Variants in PCDHGB5 observed in about 807,000 individuals in gnomAD.
PCDHGB5 encodes the protein protocadherin gamma subfamily B, 5, also known as protocadherin gamma-B5.
In PCDHGB5, 48 loss-of-function variants were observed where a neutral mutation model predicts 62.9. That is an observed-to-expected ratio of 0.76 (90% CI 0.61 to 0.97). The LOEUF is 0.97. Ranked by LOEUF, PCDHGB5 falls within the 50% of genes least tolerant of loss-of-function variation. PCDHGB5 has a pLI of 0.00. For missense variants in PCDHGB5, 1,118 were observed against 1,198.6 expected, an observed-to-expected ratio of 0.93 and a Z score of 0.99; for synonymous variants, 474 against 511.2, an observed-to-expected ratio of 0.93 and a Z score of 0.98.
chr5:141,488,158 G>A (rs534297140), intron 1 of PCDHGB5, among the ~76,000 whole-genome samples: 4 of 152,328 alleles, frequency 2.6e-5, no homozygotes, highest in South Asian at 2.1e-4. Context: ...AGAGAGGCAC[G>A]CATCAGAGTG....
chr5:141,485,949 T>C lies in PCDHGB5; in HGVS notation c.2398-8858T>C. Reference sequence around the variant, plus strand: ...GTGTTGGAGAGCGCACCAGCGGGCATGGTGCTCATCCAGCTCAATGCCTCA... The same window carrying C: ...GTGTTGGAGAGCGCACCAGCGGGCACGGTGCTCATCCAGCTCAATGCCTCA... On this transcript the variant is annotated intron_variant, in intron 1 of 3. Transcript: ENST00000617380. This position sits in a 1 kb window ranked among gnomAD's most constrained non-coding sequence, Gnocchi z 5.7. 2 of 1,614,178 alleles carry C rather than the reference T, an allele frequency of 1.2e-6. No individual in the cohort carries two copies.
At chr5:141,503,004 C>T (rs114294610) in intron 2 of PCDHGB5, among the ~76,000 whole-genome samples, 5,013 of 145,894 alleles carry the variant, frequency 0.034, 127 homozygotes, top group South Asian at 0.076. Context: ...CCACCATGCC[C>T]GGTTAATTTT....
chr5:141,486,828 G>A lies in PCDHGB5; in HGVS notation c.2398-7979G>A, dbSNP rs140257646. 77 of 1,614,218 alleles carry A rather than the reference G, an allele frequency of 4.8e-5. 1 individual carries two copies. In the East Asian group the frequency reaches 1.2e-3, roughly 26 times the overall value. On this transcript the variant is annotated intron_variant, in intron 1 of 3. Transcript: ENST00000617380. This position sits in a 1 kb window ranked among gnomAD's most constrained non-coding sequence, Gnocchi z 5.0. ...CCCCTTAGCAGCACTGTAACAGTTCGTCTATTTGTGCTGGACCTCAATGAC... is the reference window on the plus strand; with the variant it reads ...CCCCTTAGCAGCACTGTAACAGTTCATCTATTTGTGCTGGACCTCAATGAC...
At chr5:141,410,480 G>A in intron 1 of PCDHGB5, 1 of 1,613,966 alleles carries the variant, frequency 6.2e-7, no homozygotes, top group Non-Finnish European at 8.5e-7. Context: ...TGCACATACG[G>A]GTACAAAAGA....
At chr5:141,404,384 G>C in intron 1 of PCDHGB5, 9 of 1,613,904 alleles carry the variant, frequency 5.6e-6, no homozygotes, top group African/African-American at 1.3e-5. Context: ...GATTGCCTAT[G>C]ACCCTGATAG....
rs770638374 is a variant in PCDHGB5 at position 141,409,524 on chromosome 5, A to G, written c.2397+9000A>G. On this transcript the variant is annotated intron_variant, in intron 1 of 3. Coordinates refer to ENST00000617380, the MANE Select transcript of PCDHGB5 (RefSeq NM_018925.3). ...TCTTCCAGTAGAAGCATCACCTTGTATGTCGCTGACATCAACGACAACGCC... is the reference window on the plus strand; with the variant it reads ...TCTTCCAGTAGAAGCATCACCTTGTGTGTCGCTGACATCAACGACAACGCC... 11 of 1,613,972 alleles carry G rather than the reference A, an allele frequency of 6.8e-6. No homozygotes were observed. In the South Asian group the frequency reaches 1.1e-4, roughly 16 times the overall value.
intron 1 of PCDHGB5, among the ~76,000 whole-genome samples, chr5:141,457,620 A>G (rs2098925834): frequency 6.6e-6 from 1 of 152,234 alleles, no homozygotes; most frequent in Admixed American, 6.5e-5. Flanking sequence ...ATGAACTTTA[A>G]TCTTATACTT....
At chr5:141,445,046 G>A (rs181806844) in intron 1 of PCDHGB5, among the ~76,000 whole-genome samples, 1 of 152,248 alleles carries the variant, frequency 6.6e-6, no homozygotes, top group East Asian at 1.9e-4. Context: ...AGTTTTCAGT[G>A]TAGAGAGGTC....
chr5:141,401,586 A>G (rs1174763520), intron 1 of PCDHGB5, among the ~76,000 whole-genome samples: 2 of 152,228 alleles, frequency 1.3e-5, no homozygotes, highest in Admixed American at 1.3e-4. Context: ...ATCCTGACAT[A>G]TTCTTGAAGA....
rs767497197 is a variant in PCDHGB5, at chr5:141,486,350, T to C, written c.2398-8457T>C. The C allele has an allele frequency of 6.2e-7, 1 of 1,614,128 alleles. No homozygotes were observed. Among genetic ancestry groups the C allele is most frequent in the South Asian group, 1.1e-5 (1 of 91,074 alleles). On this transcript the variant is annotated intron_variant, in intron 1 of 3. Transcript: ENST00000617380. The surrounding 1 kb of genome is among the most constrained non-coding windows in gnomAD (Gnocchi z 5.0). ...TGTGAGCCTCCGCATTCCTGACCAC[T>C]TGCCATTTGCCCTCAAGTCTGCCTT...
Position 141,491,869 on chromosome 5 carries a change from G to A in PCDHGB5, c.2398-2938G>A. On this transcript the variant is annotated intron_variant, in intron 1 of 3. Transcript: ENST00000617380. The surrounding 1 kb of genome is among the most constrained non-coding windows in gnomAD (Gnocchi z 6.9). ...GGACCGTTTGCGCGAAACCAGAGTG[G>A]CCGATTAAGGGATGGGGCTCCGAGC... The A allele has an allele frequency of 6.9e-7, 1 of 1,453,094 alleles. No individual in the cohort carries two copies. Among genetic ancestry groups the A allele is most frequent in the Non-Finnish European group, 9.1e-7 (1 of 1,099,380 alleles). 90.0% of individuals were successfully genotyped at this position (1,453,094 alleles called of 1,614,324 possible).
chr5:141,474,566 G>A (rs2154572064), intron 1 of PCDHGB5, among the ~76,000 whole-genome samples: 1 of 152,336 alleles, frequency 6.6e-6, no homozygotes, highest in Non-Finnish European at 1.5e-5. Flanking sequence ...GGTTTTCAGA[G>A]ATTAATTGAA....
chr5:141,411,028 T>C (rs2095458130), intron 1 of PCDHGB5: 1 of 163,058 alleles, frequency 6.1e-6, no homozygotes, highest in Admixed American at 6.2e-5. Flanking sequence ...TTTTTTGTAT[T>C]TTTAGTAGAC....
chr5:141,434,178 G>C (rs960680568), intron 1 of PCDHGB5, among the ~76,000 whole-genome samples: 1 of 152,178 alleles, frequency 6.6e-6, no homozygotes, highest in African/African-American at 2.4e-5. Flanking sequence ...TTATATCCAA[G>C]ATTTGTAATT....
At chr5:141,453,865 A>T (rs1048679358) in intron 1 of PCDHGB5, among the ~76,000 whole-genome samples, 2 of 152,234 alleles carry the variant, frequency 1.3e-5, no homozygotes, top group African/African-American at 4.8e-5. Flanking sequence ...AAAATAACAG[A>T]TGAGCAAAAT....
intron 1 of PCDHGB5, among the ~76,000 whole-genome samples, chr5:141,474,082 CA>C (rs1449032579): frequency 1.3e-5 from 2 of 151,946 alleles, no homozygotes; most frequent in Non-Finnish European, 2.9e-5. Flanking sequence ...AAACAAAAAC[CA>C]AAAAACAAAC....
At chr5:141,500,215 T>G (rs888740312) in intron 2 of PCDHGB5, among the ~76,000 whole-genome samples, 8 of 150,660 alleles carry the variant, frequency 5.3e-5, no homozygotes, top group African/African-American at 1.9e-4. Context: ...TTTATTTATT[T>G]ATTTATTTAT....
At chr5:141,415,079 C>A (rs1388248799) in intron 1 of PCDHGB5, 1 of 1,613,380 alleles carries the variant, frequency 6.2e-7, no homozygotes, top group Non-Finnish European at 8.5e-7. Context: ...ACGGCGCGAG[C>A]CCTGCTGGAC....
In PCDHGB5 at chr5:141,431,023, C is replaced by T. The variant is rs374655655; in HGVS notation, c.2397+30499C>T. 1 of 1,613,748 alleles carries T rather than the reference C, an allele frequency of 6.2e-7. No homozygotes were observed. On this transcript the variant is annotated intron_variant, in intron 1 of 3. Coordinates refer to ENST00000617380, the MANE Select transcript of PCDHGB5 (RefSeq NM_018925.3). This position sits in a 1 kb window ranked among gnomAD's most constrained non-coding sequence, Gnocchi z 4.8. Reference sequence around the variant, plus strand: ...GCAGCGGCAGCTTGGTCACGGCGGGCAGGATAGACCGGGAGGAGCTCTGTA... The same window carrying T: ...GCAGCGGCAGCTTGGTCACGGCGGGTAGGATAGACCGGGAGGAGCTCTGTA...
Sources: allele counts gnomAD v4.1 joint callset (sites outside exome capture counted in the v4.1 genomes callset), GRCh38; gene constraint gnomAD v4.1.1; non-coding constraint Gnocchi (gnomAD v3.1); transcripts MANE v1.5; gene names NCBI Gene and HGNC (gene_info 2026-07-23, HGNC 2026-07-21).